Variants in OR1J2 observed in about 807,000 individuals in gnomAD.
OR1J2 encodes the protein olfactory receptor family 1 subfamily J member 2.
For synonymous variants in OR1J2, 142 were observed against 99.7 expected (o/e 1.42, Z -2.52); for missense variants, 304 against 246.1 (o/e 1.24, Z -1.57).
the OR1J2 span, among the ~76,000 whole-genome samples, chr9:122,571,481 C>T: frequency 3.3e-5 from 5 of 150,068 alleles, no homozygotes; most frequent in Admixed American, 1.3e-4. Flanking sequence ...GCCCAGGAGA[C>T]GGAGGTTGCA....
At chr9:122,448,889 A>G in the OR1J2 span, 1 of 151,286 alleles carries the variant, frequency 6.6e-6, no homozygotes, top group African/African-American at 2.4e-5. Flanking sequence ...CTACATAGAC[A>G]CAGTAACAGT....
At chr9:122,536,172 C>A in the OR1J2 span, among the ~76,000 whole-genome samples, 1 of 152,166 alleles carries the variant, frequency 6.6e-6, no homozygotes, top group Non-Finnish European at 1.5e-5. Flanking sequence ...TTTGTAACCA[C>A]AGTCAATGGC....
At chr9:122,501,604 A>G in the OR1J2 span, among the ~76,000 whole-genome samples, 6 of 150,890 alleles carry the variant, frequency 4.0e-5, no homozygotes, top group Non-Finnish European at 8.9e-5. Context: ...AGAAAGTAAG[A>G]TTTTTTTTTT....
the OR1J2 span, among the ~76,000 whole-genome samples, chr9:122,560,849 A>G: frequency 6.6e-6 from 1 of 151,930 alleles, no homozygotes; most frequent in African/African-American, 2.4e-5. Flanking sequence ...AGTTCTCTGT[A>G]TTTCCTGAAT....
chr9:122,553,398 T>A, the OR1J2 span: 2 of 1,614,070 alleles, frequency 1.2e-6, no homozygotes, highest in Non-Finnish European at 1.7e-6. Flanking sequence ...TACTCCCATG[T>A]ACTTCTTTCT....
the OR1J2 span, among the ~76,000 whole-genome samples, chr9:122,565,443 C>A: frequency 6.6e-6 from 1 of 152,182 alleles, no homozygotes; most frequent in Admixed American, 6.5e-5. Flanking sequence ...AACAAAATGG[C>A]CATGGCGGCA....
chr9:122,477,195 G>C, the OR1J2 span: 1 of 1,614,174 alleles, frequency 6.2e-7, no homozygotes, highest in Non-Finnish European at 8.5e-7. Flanking sequence ...CCACTGAGAG[G>C]TGGGATCCAC....
the OR1J2 span, among the ~76,000 whole-genome samples, chr9:122,520,429 C>T: frequency 6.6e-6 from 1 of 152,210 alleles, no homozygotes; most frequent in Non-Finnish European, 1.5e-5. Flanking sequence ...CTTGTAAAGG[C>T]ATTTCCCTTT....
At chr9:122,550,816 C>T in the OR1J2 span, among the ~76,000 whole-genome samples, 2 of 151,628 alleles carry the variant, frequency 1.3e-5, no homozygotes, top group South Asian at 2.1e-4. Flanking sequence ...GAAAGCTGAA[C>T]GCATTCCCCC....
At chr9:122,551,751 C>G in the OR1J2 span, among the ~76,000 whole-genome samples, 1 of 152,006 alleles carries the variant, frequency 6.6e-6, no homozygotes, top group Non-Finnish European at 1.5e-5. Flanking sequence ...ACACCGAGGT[C>G]GACCTTAACG....
chr9:122,529,290 A>G, the OR1J2 span, among the ~76,000 whole-genome samples: 6 of 152,336 alleles, frequency 3.9e-5, no homozygotes, highest in African/African-American at 1.4e-4. Context: ...TCATCAAAAG[A>G]AGGGCTACAC....
chr9:122,567,428 C>T, the OR1J2 span: 34 of 704,794 alleles, frequency 4.8e-5, no homozygotes, highest in Admixed American at 7.8e-4. Flanking sequence ...CCACAATAGC[C>T]TTGTCTCACA....
the OR1J2 span, among the ~76,000 whole-genome samples, chr9:122,550,192 A>G: frequency 6.6e-6 from 1 of 152,156 alleles, no homozygotes; most frequent in Non-Finnish European, 1.5e-5. Context: ...ATCTCCGAAG[A>G]TTGTGCCAGG....
the OR1J2 span, among the ~76,000 whole-genome samples, chr9:122,548,332 C>T: frequency 2.0e-5 from 3 of 152,056 alleles, no homozygotes; most frequent in Admixed American, 2.0e-4. Flanking sequence ...TATACATTTC[C>T]CTTAATCTCA....
the OR1J2 span, among the ~76,000 whole-genome samples, chr9:122,489,405 TG>T: frequency 1.3e-5 from 2 of 151,934 alleles, no homozygotes; most frequent in African/African-American, 4.8e-5. Flanking sequence ...ACCACCAGAC[TG>T]GGAAGAAACA....
chr9:122,567,268 T>TG, the OR1J2 span: 2 of 283,640 alleles, frequency 7.1e-6, no homozygotes, highest in Admixed American at 4.7e-5. Flanking sequence ...GAAATATTCA[T>TG]GGGGAAAGGA....
the OR1J2 span, among the ~76,000 whole-genome samples, chr9:122,570,249 C>T: frequency 4.6e-5 from 7 of 151,556 alleles, no homozygotes; most frequent in African/African-American, 7.3e-5. Context: ...CCTGAGGAAT[C>T]GCCACACTGA....
At chr9:122,517,997 G>A in the OR1J2 span, among the ~76,000 whole-genome samples, 36 of 152,234 alleles carry the variant, frequency 2.4e-4, no homozygotes, top group Admixed American at 5.9e-4. Flanking sequence ...GTTTGCTGAG[G>A]ATAATGGCTT....
chr9:122,476,933 C>T, the OR1J2 span: 1 of 1,014,624 alleles, frequency 9.9e-7, no homozygotes. Context: ...GTCTCGAACT[C>T]CTGATCTCAG....
Sources: allele counts gnomAD v4.1 joint callset (sites outside exome capture counted in the v4.1 genomes callset), GRCh38; gene constraint gnomAD v4.1.1; transcripts MANE v1.5; gene names NCBI Gene and HGNC (gene_info 2026-07-23, HGNC 2026-07-21).